The following RALYL variants were observed in gnomAD, a reference collection of about 807,000 sequenced individuals.
RALYL encodes the protein RALY RNA binding protein like, also known as RNA-binding Raly-like protein.
A neutral mutation model predicts 35.1 loss-of-function variants in RALYL; 29 were observed. The ratio of observed to expected loss-of-function variants is 0.83; its 90% confidence interval spans 0.61 to 1.13. The LOEUF is 1.13. Among genes scored for constraint, RALYL ranks in the 50% most tolerant of loss-of-function variants. RALYL has a pLI of 0.00. For synonymous variants in RALYL, 120 were observed against 127.6 expected, an observed-to-expected ratio of 0.94 and a Z score of 0.40; for missense variants, 359 against 360.4, an observed-to-expected ratio of 1.00 and a Z score of 0.03.
intron 2 of RALYL, among the ~76,000 whole-genome samples, chr8:84,643,706 T>C (rs905995547): frequency 3.9e-5 from 6 of 152,034 alleles, no homozygotes; most frequent in Admixed American, 6.6e-5. Flanking sequence ...GAGTGAGGTA[T>C]AATAAAAACT....
At chr8:84,673,476 T>A (rs776316143) in intron 2 of RALYL, among the ~76,000 whole-genome samples, 2 of 152,324 alleles carry the variant, frequency 1.3e-5, no homozygotes, top group African/African-American at 4.8e-5. Context: ...ATTGCCTAGG[T>A]TGTCTTCCAG....
At position 84,845,814 on chromosome 8, in the gene RALYL, T is replaced by C. The variant is rs186779097; in HGVS notation, c.366-4166T>C. On this transcript the variant is annotated intron_variant, in intron 4 of 8. Coordinates refer to ENST00000521268, the MANE Select transcript of RALYL (RefSeq NM_173848.7). Reference sequence around the variant, plus strand: ...AAATATTCAATCTATCTTGAGTCAGTTTTTGTATATGGTGAAAGGTTGTGG... The same window carrying C: ...AAATATTCAATCTATCTTGAGTCAGCTTTTGTATATGGTGAAAGGTTGTGG... Among the ~76,000 whole-genome samples, 956 of 152,274 alleles carry C rather than the reference T, an allele frequency of 6.3e-3. 9 individuals carry two copies. The highest frequency in any genetic ancestry group is 0.022 in the African/African-American group (902 of 41,554).
intron 2 of RALYL, among the ~76,000 whole-genome samples, chr8:84,655,851 G>A (rs990239199): frequency 6.6e-6 from 1 of 152,154 alleles, no homozygotes; most frequent in Non-Finnish European, 1.5e-5. Flanking sequence ...GCTTAGAGAT[G>A]ACAATTTGTC....
At chr8:84,720,608 G>A (rs1355581925) in intron 2 of RALYL, among the ~76,000 whole-genome samples, 1 of 152,072 alleles carries the variant, frequency 6.6e-6, no homozygotes, top group Non-Finnish European at 1.5e-5. Flanking sequence ...GAACTCAAAA[G>A]CATAGGCATC....
intron 2 of RALYL, among the ~76,000 whole-genome samples, chr8:84,664,688 CTT>C (rs1392827867): frequency 6.6e-6 from 1 of 151,986 alleles, no homozygotes; most frequent in Non-Finnish European, 1.5e-5. Flanking sequence ...GTATATGAGA[CTT>C]TGCTGAAGTT....
intron 1 of RALYL, among the ~76,000 whole-genome samples, chr8:84,333,647 T>G (rs1563748488): frequency 6.6e-6 from 1 of 152,088 alleles, no homozygotes; most frequent in Non-Finnish European, 1.5e-5. Flanking sequence ...CTCTCAATTT[T>G]CAGATATTCT....
At chr8:84,184,931 A>G (rs1209912170) in intron 1 of RALYL, 17 of 1,600,228 alleles carry the variant, frequency 1.1e-5, no homozygotes, top group Non-Finnish European at 1.3e-5. Context: ...CCGGAGCTGG[A>G]GACATTTCCA....
intron 1 of RALYL, among the ~76,000 whole-genome samples, chr8:84,373,285 T>A (rs1856278173): frequency 6.6e-6 from 1 of 151,962 alleles, no homozygotes; most frequent in Non-Finnish European, 1.5e-5. Flanking sequence ...CATCATGAAA[T>A]CTTTGCTTGT....
At chr8:84,648,118 G>GCACACA in intron 2 of RALYL, among the ~76,000 whole-genome samples, 1 of 150,776 alleles carries the variant, frequency 6.6e-6, no homozygotes, top group Non-Finnish European at 1.5e-5. Context: ...GCACATGCGT[G>GCACACA]CACACACACA....
At chr8:84,667,819 C>A (rs945778738) in intron 2 of RALYL, among the ~76,000 whole-genome samples, 2 of 152,042 alleles carry the variant, frequency 1.3e-5, no homozygotes, top group African/African-American at 4.8e-5. Context: ...GTCAGCCCAA[C>A]AAGTAACTTA....
intron 2 of RALYL, among the ~76,000 whole-genome samples, chr8:84,617,315 G>C (rs143880801): frequency 0.015 from 2,303 of 151,630 alleles, 39 homozygotes; most frequent in Middle Eastern, 0.054. Flanking sequence ...CACATCCCTT[G>C]TAAGTTGGAT....
At chr8:84,513,630 T>A (rs2057803610) in intron 1 of RALYL, among the ~76,000 whole-genome samples, 2 of 152,174 alleles carry the variant, frequency 1.3e-5, no homozygotes, top group African/African-American at 4.8e-5. Context: ...ACTTTTATTA[T>A]CTTGTTATAT....
intron 1 of RALYL, among the ~76,000 whole-genome samples, chr8:84,315,031 A>G (rs1052245276): frequency 1.3e-5 from 2 of 152,150 alleles, no homozygotes; most frequent in African/African-American, 4.8e-5. Context: ...TGAAATTACC[A>G]TGCGCATCTG....
At chr8:84,306,977 T>C (rs1841938837) in intron 1 of RALYL, among the ~76,000 whole-genome samples, 1 of 152,066 alleles carries the variant, frequency 6.6e-6, no homozygotes, top group Admixed American at 6.5e-5. Flanking sequence ...TTCCTTCTAC[T>C]TGGAGTGGAT....
intron 2 of RALYL, among the ~76,000 whole-genome samples, chr8:84,626,151 T>G (rs968496051): frequency 1.3e-5 from 2 of 152,210 alleles, no homozygotes; most frequent in Non-Finnish European, 2.9e-5. Context: ...CACTCAGTAC[T>G]ATAGTTTGAC....
At chr8:84,395,896 G>A (rs1563846769) in intron 1 of RALYL, among the ~76,000 whole-genome samples, 1 of 151,908 alleles carries the variant, frequency 6.6e-6, no homozygotes, top group East Asian at 1.9e-4. Context: ...TTATTTATAA[G>A]TCACTCGTTA....
At chr8:84,902,790 G>A (rs1369747638) in intron 8 of RALYL, among the ~76,000 whole-genome samples, 3 of 152,038 alleles carry the variant, frequency 2.0e-5, no homozygotes, top group African/African-American at 7.2e-5. Flanking sequence ...AAGTTTTTTT[G>A]GGTTATTGAA....
rs181412275 is a variant in RALYL at position 84,794,297 on chromosome 8, G to A, written c.333-10473G>A. On this transcript the variant is annotated intron_variant, in intron 3 of 8. Transcript: ENST00000521268. ...GTGGAGTAAAAGATAAATGGCATCG[G>A]CATTCTGCAAAGAGCAGGACTGAGG... Among the ~76,000 whole-genome samples the A allele has an allele frequency of 2.4e-3, 365 of 152,324 alleles. 3 individuals are homozygous for A. Among genetic ancestry groups the A allele is most frequent in the African/African-American group, 8.1e-3 (337 of 41,572 alleles).
intron 1 of RALYL, among the ~76,000 whole-genome samples, chr8:84,299,700 T>C (rs2132341784): frequency 6.6e-6 from 1 of 152,142 alleles, no homozygotes; most frequent in African/African-American, 2.4e-5. Flanking sequence ...ACTTGGGAGT[T>C]TGTATATTGC....
Sources: gnomAD v4.1 joint callset for allele counts (sites outside exome capture counted in the v4.1 genomes callset) on GRCh38, gnomAD v4.1.1 for gene constraint, MANE v1.5 for transcripts, NCBI Gene and HGNC (gene_info 2026-07-23, HGNC 2026-07-21) for gene names.